Variants in FAM20B observed in about 807,000 individuals in gnomAD.
FAM20B encodes glycosaminoglycan xylosylkinase.
In FAM20B, 23 loss-of-function variants were observed where a neutral mutation model predicts 43.8. The ratio of observed to expected loss-of-function variants is 0.53; its 90% CI spans 0.38 to 0.74. The LOEUF is 0.74. Ranked by LOEUF, FAM20B falls within the 30% of genes least tolerant of loss-of-function variation. FAM20B has a pLI of 0.00. For synonymous variants in FAM20B, 178 were observed against 192.4 expected, an observed-to-expected ratio of 0.93 and a Z score of 0.62; for missense variants, 440 against 510.5, an observed-to-expected ratio of 0.86 and a Z score of 1.33.
At position 179,054,536 on chromosome 1, in the gene FAM20B, G is replaced by A; in HGVS notation, c.472G>A (p.Gly158Ser). 1.2e-6 allele frequency: 2 copies of A among 1,608,506 alleles called. No homozygotes were observed. Among genetic ancestry groups the A allele is most frequent in the South Asian group, 2.2e-5 (2 of 90,776 alleles). ...VAAFHLDRIL[G>S]FHRAPLVVGR... ...TTCAATCTTCCAAACCAGGATTCTG[G>A]GTTTCCACCGAGCCCCCTTGGTAGT... is the stretch of plus-strand genomic sequence containing the variant. Residue 158 changes from glycine to serine, a missense_variant, in exon 4 of 8, where the codon GGT (glycine) becomes AGT (serine). Gly to Ser is a moderately conservative substitution (Grantham distance 56). Transcript: ENST00000263733.
chr1:179,044,041 A>G lies in FAM20B; in HGVS notation c.194A>G (p.Glu65Gly). 2 of 1,614,076 alleles carry G rather than the reference A, an allele frequency of 1.2e-6. No individual in the cohort carries two copies. Among genetic ancestry groups the G allele is most frequent in the Non-Finnish European group, 1.7e-6 (2 of 1,180,002 alleles). ...KLDHTLQSPWEIAAQWVVPRE... is the reference protein window; with the variant it reads ...KLDHTLQSPWGIAAQWVVPRE... The stretch of plus-strand genomic sequence containing the variant: ...GACCATACCTTGCAGTCTCCCTGGG[A>G]GATTGCAGCCCAGTGGGTGGTTCCC... Residue 65 changes from glutamate (E) to glycine (G), a missense_variant, in exon 2 of 8, where the codon GAG (glutamate) becomes GGG (glycine). By Grantham distance (98) the Glu-to-Gly change is moderately conservative (BLOSUM62 -2). Transcript: ENST00000263733.
rs1297859909 is a variant in FAM20B at position 179,050,378 on chromosome 1, A to G, written c.464+13A>G. The stretch of plus-strand genomic sequence containing the variant: ...TTCACTTGGACAGGTGCGTATGATC[A>G]CAGCAGCTTATGTTCATTTTGTTTG... On this transcript the variant is annotated intron_variant, in intron 3 of 7. Transcript: ENST00000263733. 1 of 1,600,840 alleles carries G rather than the reference A, an allele frequency of 6.2e-7. No individual in the cohort carries two copies. The highest frequency in any genetic ancestry group is 1.7e-5 in the Admixed American group (1 of 59,968).
At chr1:179,051,699 T>TGCAG (rs1651014351) in intron 3 of FAM20B, among the ~76,000 whole-genome samples, 1 of 152,142 alleles carries the variant, frequency 6.6e-6, no homozygotes, top group Non-Finnish European at 1.5e-5. Flanking sequence ...CAGACTGGAG[T>TGCAG]GCAGTAGCCT....
At chr1:179,036,703 G>A (rs1001323290) in intron 1 of FAM20B, among the ~76,000 whole-genome samples, 1 of 152,160 alleles carries the variant, frequency 6.6e-6, no homozygotes, top group African/African-American at 2.4e-5. Flanking sequence ...ACATATAAAG[G>A]AGTGAAGGGG....
chr1:179,056,926 T>C (rs978955423), intron 4 of FAM20B, among the ~76,000 whole-genome samples: 1 of 152,244 alleles, frequency 6.6e-6, no homozygotes, highest in African/African-American at 2.4e-5. Flanking sequence ...TGTATATCTT[T>C]GCTGAGGTGT....
At chr1:179,070,476 A>G (rs1352947905) in intron 7 of FAM20B, among the ~76,000 whole-genome samples, 1 of 151,458 alleles carries the variant, frequency 6.6e-6, no homozygotes, top group Non-Finnish European at 1.5e-5. Flanking sequence ...GCAGAAGGCA[A>G]AAGGGCAAAG....
intron 1 of FAM20B, among the ~76,000 whole-genome samples, chr1:179,032,278 A>C (rs1291333179): frequency 6.7e-6 from 1 of 149,206 alleles, no homozygotes; most frequent in African/African-American, 2.5e-5. Flanking sequence ...TCATCCAGGC[A>C]CTAATCTTAG....
chr1:179,028,862 G>A (rs895429102), intron 1 of FAM20B, among the ~76,000 whole-genome samples: 1 of 152,142 alleles, frequency 6.6e-6, no homozygotes, highest in African/African-American at 2.4e-5. Flanking sequence ...ATATTCTAAT[G>A]TATATACTAA....
At position 179,074,833 on chromosome 1, in the gene FAM20B, A is replaced by T. The variant is rs2102534213; in HGVS notation, c.*2689A>T. 1 of 152,348 alleles carries T rather than the reference A, an allele frequency of 6.6e-6. No individual in the cohort carries two copies. Among genetic ancestry groups the T allele is most frequent in the East Asian group, 1.9e-4 (1 of 5,184 alleles). 9.4% of individuals were successfully genotyped at this position (152,348 alleles called of 1,614,324 possible). ...AGTATGTTTAGGCAAATCTTGGAGA[A>T]AACCAACCATAAACTTACAGCTCTA... is the stretch of plus-strand genomic sequence containing the variant. On this transcript the variant is annotated 3_prime_UTR_variant, in exon 8 of 8. Coordinates refer to ENST00000263733, the MANE Select transcript of FAM20B (RefSeq NM_014864.4).
chr1:179,051,395 T>C (rs1379511030), intron 3 of FAM20B, among the ~76,000 whole-genome samples: 1 of 151,742 alleles, frequency 6.6e-6, no homozygotes, highest in Non-Finnish European at 1.5e-5. Context: ...GAGGCTGAGG[T>C]GGGCAGATCA....
At chr1:179,051,128 A>T (rs1444147452) in intron 3 of FAM20B, among the ~76,000 whole-genome samples, 4 of 151,978 alleles carry the variant, frequency 2.6e-5, no homozygotes, top group African/African-American at 9.7e-5. Flanking sequence ...TCTTTAAAAA[A>T]AAAAAAAAAG....
intron 1 of FAM20B, among the ~76,000 whole-genome samples, chr1:179,029,835 T>C (rs1166721225): frequency 6.6e-6 from 1 of 152,232 alleles, no homozygotes; most frequent in Non-Finnish European, 1.5e-5. Context: ...TGTGAAAATT[T>C]TATTTTAGCT....
intron 4 of FAM20B, among the ~76,000 whole-genome samples, chr1:179,058,044 T>G (rs1180065612): frequency 6.6e-6 from 1 of 152,208 alleles, no homozygotes; most frequent in East Asian, 1.9e-4. Flanking sequence ...ATAAAGGTTT[T>G]AAATACATAC....
At chr1:179,051,317 A>G (rs951784031) in intron 3 of FAM20B, among the ~76,000 whole-genome samples, 1 of 151,984 alleles carries the variant, frequency 6.6e-6, no homozygotes, top group Non-Finnish European at 1.5e-5. Flanking sequence ...ACTGCTAACA[A>G]TATTTGTTTT....
chr1:179,022,461 T>C (rs7519023), upstream of FAM20B, among the ~76,000 whole-genome samples: 22,185 of 152,044 alleles, frequency 0.15, 2,126 homozygotes, highest in African/African-American at 0.27. Flanking sequence ...TGTGTGTGTG[T>C]GCGCGCGCGC....
At position 179,074,909 on chromosome 1, in the gene FAM20B, G is replaced by T. The variant is rs980861410; in HGVS notation, c.*2765G>T. 1.3e-5 allele frequency: 2 copies of T among 152,218 alleles called. No homozygotes were observed. Among genetic ancestry groups the T allele is most frequent in the Non-Finnish European group, 2.9e-5 (2 of 68,030 alleles). The allele number at this position is 152,218 out of a possible 1,614,324, so 9.4% of individuals were successfully genotyped here. A position where few individuals can be genotyped will look rare whatever the true frequency, so the allele number is the denominator to read the frequency against. Reference sequence around the variant, plus strand: ...AACACTGTTTGAAAGAAGAGGTGGGGGCCGGGTGCCGTGGCTCATGCCTGT... The same window carrying T: ...AACACTGTTTGAAAGAAGAGGTGGGTGCCGGGTGCCGTGGCTCATGCCTGT... On this transcript the variant is annotated 3_prime_UTR_variant, in exon 8 of 8. Coordinates refer to ENST00000263733, the MANE Select transcript of FAM20B (RefSeq NM_014864.4).
chr1:179,019,450 TTTTTG>T, the FAM20B span, among the ~76,000 whole-genome samples: 1 of 150,450 alleles, frequency 6.6e-6, no homozygotes, highest in Non-Finnish European at 1.5e-5. Flanking sequence ...CTGGTTTTTT[TTTTTG>T]TTTGTTTGTT....
upstream of FAM20B, among the ~76,000 whole-genome samples, chr1:179,022,766 C>T (rs2102472979): frequency 6.6e-6 from 1 of 152,272 alleles, no homozygotes; most frequent in Admixed American, 6.5e-5. Context: ...ACGCAGATGT[C>T]AATACAACCC....
intron 1 of FAM20B, among the ~76,000 whole-genome samples, chr1:179,040,547 C>T (rs1380268081): frequency 8.0e-6 from 1 of 124,782 alleles, no homozygotes; most frequent in African/African-American, 3.5e-5. Context: ...GCTGACCCCC[C>T]TACCTCCCTC....
Sources: allele counts gnomAD v4.1 joint callset (sites outside exome capture counted in the v4.1 genomes callset), GRCh38; gene constraint gnomAD v4.1.1; transcripts MANE v1.5; gene names NCBI Gene and HGNC (gene_info 2026-07-23, HGNC 2026-07-21).